The following FAM193B variants were observed in gnomAD, a reference collection of about 807,000 sequenced individuals.
The protein encoded by FAM193B is protein FAM193B.
Under a neutral mutation model 70.7 loss-of-function variants are expected in FAM193B, and 27 were observed. That is an observed-to-expected ratio of 0.38 (90% CI 0.28 to 0.53). The LOEUF is 0.53. FAM193B is among the 20% of genes least tolerant of loss of function. The pLI is 0.81. For missense variants in FAM193B, 1,022 were observed against 1,072.5 expected, an observed-to-expected ratio of 0.95 and a Z score of 0.66; for synonymous variants, 448 against 436.0, an observed-to-expected ratio of 1.03 and a Z score of -0.34.
At chr5:177,553,470 G>T in intron 1 of FAM193B, 1 of 1,101,864 alleles carries the variant, frequency 9.1e-7, no homozygotes, top group South Asian at 2.1e-5. Context: ...TGTCACCCCC[G>T]CCTCTCAGTG....
At chr5:177,535,137 AG>A (rs374751485) in intron 4 of FAM193B, among the ~76,000 whole-genome samples, 2 of 152,244 alleles carry the variant, frequency 1.3e-5, no homozygotes, top group African/African-American at 4.8e-5. Flanking sequence ...AAGAGGAAAA[AG>A]GCTTTAAGAA....
At chr5:177,521,383 C>T (rs1761713358) in intron 8 of FAM193B, among the ~76,000 whole-genome samples, 1 of 152,240 alleles carries the variant, frequency 6.6e-6, no homozygotes, top group African/African-American at 2.4e-5. Flanking sequence ...TGCCATCTGG[C>T]ACCCAGGTCT....
Position 177,524,848 on chromosome 5 carries a change from G to A in FAM193B, c.1633C>T (p.His545Tyr), listed in dbSNP as rs769290927. The change falls in exon 6 of 9, where the codon CAC (histidine) becomes TAC (tyrosine). Residue 545 changes from histidine to tyrosine, a missense_variant. By Grantham distance (83) the His-to-Tyr change is moderately conservative. Transcript: ENST00000514747. ...SPLTLGSPQN[H>Y]TLQAPGEPAP... ...GGCTCGCCTGGAGCTTGTAACGTGTGGTTCTGAGGGGAGCCCAAAGTCAAA... is the reference window on the plus strand; with the variant it reads ...GGCTCGCCTGGAGCTTGTAACGTGTAGTTCTGAGGGGAGCCCAAAGTCAAA... 1.3e-6 allele frequency: 2 copies of A among 1,509,600 alleles called. No homozygotes were observed. The highest frequency in any genetic ancestry group is 1.8e-6 in the Non-Finnish European group (2 of 1,131,334). The allele number at this position is 1,509,600 out of a possible 1,614,324, so 93.5% of individuals were successfully genotyped here. A position where few individuals can be genotyped will look rare whatever the true frequency, so the allele number is the denominator to read the frequency against.
intron 1 of FAM193B, among the ~76,000 whole-genome samples, chr5:177,550,241 A>G (rs1290100222): frequency 6.6e-6 from 1 of 152,216 alleles, no homozygotes; most frequent in Non-Finnish European, 1.5e-5. Flanking sequence ...CTACTGGCTT[A>G]CAAAGAAGAA....
intron 4 of FAM193B, among the ~76,000 whole-genome samples, chr5:177,535,921 AT>A (rs34923745): frequency 0.98 from 140,495 of 143,976 alleles, 68,561 homozygotes; most frequent in South Asian, 0.99. Context: ...CCCACATACT[AT>A]TTTTTTTTTT....
At chr5:177,531,219 G>A in intron 5 of FAM193B, 1 of 1,208,648 alleles carries the variant, frequency 8.3e-7, no homozygotes, top group Non-Finnish European at 1.1e-6. Flanking sequence ...CAGAAGTCCT[G>A]GGGGTTGGGG....
Position 177,538,942 on chromosome 5 carries a change from T to A in FAM193B, c.416A>T (p.Glu139Val). 6.2e-7 allele frequency: 1 copy of A among 1,614,066 alleles called. No individual in the cohort carries two copies. Among genetic ancestry groups the A allele is most frequent in the Non-Finnish European group, 8.5e-7 (1 of 1,179,902 alleles). The change falls in exon 2 of 9, where the codon GAA becomes GTA. Residue 139 changes from glutamate to valine, a missense_variant. Coordinates refer to ENST00000514747, the MANE Select transcript of FAM193B (RefSeq NM_001190946.3). The surrounding 1 kb of genome is among the most constrained non-coding windows in gnomAD (Gnocchi z 4.1). The part of the protein sequence containing the change: ...VCQSCRKSME[E>V]DERQTGREHA... ...TTCTCGACCTGTCTGCCTTTCATCT[T>A]CCTCCATGCTCTTTCGGCAACTCTG...
intron 1 of FAM193B, among the ~76,000 whole-genome samples, chr5:177,547,476 G>C (rs1415764220): frequency 6.6e-6 from 1 of 150,666 alleles, no homozygotes; most frequent in Non-Finnish European, 1.5e-5. Context: ...AGTAGAGACG[G>C]GGTTTCACCG....
chr5:177,528,301 C>T (rs905037370), intron 5 of FAM193B, among the ~76,000 whole-genome samples: 27 of 152,104 alleles, frequency 1.8e-4, no homozygotes, highest in Admixed American at 1.6e-3. Flanking sequence ...GGTAGAAAAC[C>T]GCCTGCAATG....
chr5:177,528,973 G>A (rs956343728), intron 5 of FAM193B, among the ~76,000 whole-genome samples: 2 of 152,160 alleles, frequency 1.3e-5, no homozygotes, highest in African/African-American at 2.4e-5. Context: ...AAGGAATTGA[G>A]TACTGGTGAG....
chr5:177,545,755 C>T (rs1443055507), intron 1 of FAM193B, among the ~76,000 whole-genome samples: 1 of 152,046 alleles, frequency 6.6e-6, no homozygotes, highest in Non-Finnish European at 1.5e-5. Context: ...CATTGCCAGA[C>T]CAGACAGCTG....
intron 1 of FAM193B, among the ~76,000 whole-genome samples, chr5:177,541,362 C>T (rs1220208411): frequency 3.9e-5 from 6 of 152,124 alleles, no homozygotes; most frequent in African/African-American, 1.4e-4. Context: ...CATTTGCATG[C>T]TAGGTTCGAA....
At position 177,554,460 on chromosome 5, in the gene FAM193B, CCGCCGCTCG is replaced by C; in HGVS notation, c.-11_-3del. On this transcript the variant is annotated 5_prime_UTR_variant, in exon 1 of 9. Transcript: ENST00000514747. Reference sequence around the variant, plus strand: ...CGGCCTGCTCCGCCTCCGCGTCATGCCGCCGCTCGCGCCGCTCCCTCGCTCCACACGCCG... The same window carrying C: ...CGGCCTGCTCCGCCTCCGCGTCATGCCGCCGCTCCCTCGCTCCACACGCCG... 1 of 1,005,968 alleles carries C rather than the reference CCGCCGCTCG, an allele frequency of 9.9e-7. No homozygotes were observed. The highest frequency in any genetic ancestry group is 1.2e-6 in the Non-Finnish European group (1 of 853,732). The allele number at this position is 1,005,968 out of a possible 1,614,324, so 62.3% of individuals were successfully genotyped here.
chr5:177,527,613 A>G (rs1762813036), intron 5 of FAM193B, among the ~76,000 whole-genome samples: 1 of 152,198 alleles, frequency 6.6e-6, no homozygotes, highest in Non-Finnish European at 1.5e-5. Context: ...CCCTGCAACA[A>G]TCTACGACTT....
chr5:177,539,224 T>A, intron 1 of FAM193B, 77 bp from the exon 2 acceptor site: 1 of 1,439,944 alleles, frequency 6.9e-7, no homozygotes, highest in Non-Finnish European at 9.2e-7. Context: ...ATATTAGTAA[T>A]GCCACTTATT....
intron 1 of FAM193B, among the ~76,000 whole-genome samples, chr5:177,548,758 AT>A: frequency 6.6e-6 from 1 of 152,326 alleles, no homozygotes; most frequent in South Asian, 2.1e-4. Context: ...CCCACTGAGA[AT>A]TACTTCCTCA....
At position 177,527,972 on chromosome 5, in the gene FAM193B, T is replaced by G. The variant is rs1160008736; in HGVS notation, c.1276-2767A>C. On this transcript the variant is annotated intron_variant, in intron 5 of 8. Transcript: ENST00000514747. The stretch of plus-strand genomic sequence containing the variant: ...CAGTTGGAGACGTGGATGTACAGGG[T>G]GGGGAGGAAACACTATTGGGCTGTT... Among the ~76,000 whole-genome samples, 8 of 151,950 alleles carry G rather than the reference T, an allele frequency of 5.3e-5. No individual in the cohort carries two copies. In the East Asian group the frequency reaches 1.6e-3, roughly 29 times the overall value.
intron 1 of FAM193B, chr5:177,547,312 T>G (rs1291663620): frequency 1.8e-5 from 1 of 55,708 alleles, no homozygotes; most frequent in Non-Finnish European, 4.2e-5. Context: ...TGAGACGGAG[T>G]TTCGCTCTGT....
rs1320790384 is a variant in FAM193B, at chr5:177,539,160, C to A, written c.211-13G>T. 1 of 1,542,032 alleles carries A rather than the reference C, an allele frequency of 6.5e-7. No individual in the cohort carries two copies. The highest frequency in any genetic ancestry group is 1.4e-5 in the African/African-American group (1 of 73,278). ...AGGCGGGGGGGACCTGTCCAACAGA[C>A]AGAAACAGGGTTTCCCAGGAGGGGA... is the stretch of plus-strand genomic sequence containing the variant. On this transcript the variant is annotated splice_polypyrimidine_tract_variant and intron_variant, in intron 1 of 8. Coordinates refer to ENST00000514747, the MANE Select transcript of FAM193B (RefSeq NM_001190946.3).
Sources: gnomAD v4.1 joint callset for allele counts (sites outside exome capture counted in the v4.1 genomes callset) on GRCh38, gnomAD v4.1.1 for gene constraint, Gnocchi (gnomAD v3.1) non-coding constraint, MANE v1.5 for transcripts, NCBI Gene and HGNC (gene_info 2026-07-23, HGNC 2026-07-21) for gene names.